The following RERE variants were observed in gnomAD, a reference collection of about 807,000 sequenced individuals.
The protein encoded by RERE is arginine-glutamic acid dipeptide repeats.
A neutral mutation model predicts 146.1 loss-of-function variants in RERE; 40 were observed. That is an observed-to-expected ratio of 0.27 (90% CI 0.21 to 0.36). RERE has a LOEUF of 0.36. Among genes scored for constraint, RERE ranks in the 10% least tolerant of loss-of-function variants. The pLI, the probability that RERE is intolerant of heterozygous loss-of-function variation, is 1.00. For synonymous variants in RERE, 1,003 were observed against 866.0 expected (o/e 1.16, Z -2.78); for missense variants, 1,933 against 2,138.7 (o/e 0.90, Z 1.90).
At chr1:8,397,973 CAGG>C (rs1451073116) in intron 12 of RERE, among the ~76,000 whole-genome samples, 1 of 152,216 alleles carries the variant, frequency 6.6e-6, no homozygotes, top group Non-Finnish European at 1.5e-5. Flanking sequence ...TCCTTGCCTT[CAGG>C]AGCTCAATCC....
chr1:8,604,966 G>C (rs562627555), intron 4 of RERE, among the ~76,000 whole-genome samples: 1 of 152,278 alleles, frequency 6.6e-6, no homozygotes, highest in South Asian at 2.1e-4. Flanking sequence ...CTGAAGAAAA[G>C]TGTTTGCCAC....
rs146743786 is a variant in RERE, at chr1:8,362,762, G to T, written c.1823C>A (p.Ser608Tyr). Residue 608 changes from serine to tyrosine, a missense_variant, in exon 16 of 23, where the codon TCC becomes TAC. By Grantham distance (144) the Ser-to-Tyr change is moderately radical (BLOSUM62 -2). Transcript: ENST00000400908. ...RTSPINEDIR[S>Y]SGRNSPSAAS... ...AGCGCTGGGGGAGTTCCGGCCGCTG[G>T]AGCGGATGTCTTCATTGATGGGTGA... The T allele has an allele frequency of 3.1e-6, 5 of 1,614,098 alleles. No homozygotes were observed. The African/African-American group carries it at 6.7e-5, about 22-fold the overall frequency.
At chr1:8,729,338 C>T (rs999823314) in intron 1 of RERE, among the ~76,000 whole-genome samples, 4 of 151,148 alleles carry the variant, frequency 2.6e-5, no homozygotes, top group East Asian at 2.0e-4. Context: ...GATTCTCCTG[C>T]CTCAGCCTCC....
chr1:8,629,795 CA>C (rs146459911), intron 2 of RERE, among the ~76,000 whole-genome samples: 2,310 of 152,326 alleles, frequency 0.015, 60 homozygotes, highest in African/African-American at 0.053. Flanking sequence ...TCCTTTCCAT[CA>C]ATGTGTCTCC....
In RERE at chr1:8,355,030, C is replaced by A; in HGVS notation, c.*57G>T. The A allele has an allele frequency of 6.9e-7, 1 of 1,445,684 alleles. No homozygotes were observed. 89.6% of individuals were successfully genotyped at this position (1,445,684 alleles called of 1,614,324 possible). ...GCAGCTCCTATTTTATGTAAAAAGT[C>A]CTGTTTCTCCCCCCAAGAACTGGGG... On this transcript the variant is annotated 3_prime_UTR_variant, in exon 23 of 23. Transcript: ENST00000400908.
In RERE at chr1:8,655,069, T is replaced by C. The variant is rs117649104; in HGVS notation, c.325+904A>G. Among the ~76,000 whole-genome samples the C allele has an allele frequency of 2.2e-3, 338 of 152,316 alleles. 6 individuals are homozygous for C. In the East Asian group the frequency reaches 0.045, roughly 20 times the overall value. On this transcript the variant is annotated intron_variant, in intron 2 of 22. Transcript: ENST00000400908. ...TTTTGAGCAATGCTATAAGCCACAA[T>C]ATACTGGTGTGACCATAATACATTT...
chr1:8,629,082 A>G (rs764972106), intron 2 of RERE, among the ~76,000 whole-genome samples: 2 of 152,232 alleles, frequency 1.3e-5, no homozygotes, highest in Non-Finnish European at 2.9e-5. Flanking sequence ...TGGCAGGGCA[A>G]GTATATATAT....
intron 4 of RERE, among the ~76,000 whole-genome samples, chr1:8,598,400 G>A (rs1352317867): frequency 6.6e-6 from 1 of 152,176 alleles, no homozygotes; most frequent in Non-Finnish European, 1.5e-5. Context: ...GGCATTCCCG[G>A]CCCTCCAGCA....
intron 10 of RERE, among the ~76,000 whole-genome samples, chr1:8,475,280 AG>A (rs1644740163): frequency 1.3e-5 from 2 of 151,828 alleles, no homozygotes; most frequent in Admixed American, 6.6e-5. Context: ...AGGCTGAGGC[AG>A]GAGAATCGCT....
chr1:8,386,246 A>G (rs986623693), intron 12 of RERE, among the ~76,000 whole-genome samples: 2 of 151,182 alleles, frequency 1.3e-5, no homozygotes, highest in Non-Finnish European at 2.9e-5. Context: ...AGAGAGACCA[A>G]AAATAAAAAA....
chr1:8,671,231 A>G (rs1638709986), intron 1 of RERE, among the ~76,000 whole-genome samples: 1 of 152,236 alleles, frequency 6.6e-6, no homozygotes, highest in Non-Finnish European at 1.5e-5. Flanking sequence ...AATGCTTTGC[A>G]ATGAATATTA....
Position 8,354,308 on chromosome 1 carries a change from A to G in RERE, c.*779T>C, listed in dbSNP as rs1641208708. 1 of 152,658 alleles carries G rather than the reference A, an allele frequency of 6.6e-6. No homozygotes were observed. The highest frequency in any genetic ancestry group is 2.4e-5 in the African/African-American group (1 of 41,456). 9.5% of individuals were successfully genotyped at this position (152,658 alleles called of 1,614,324 possible). ...CCAGGCAGAAAACAGAGTCTGTAAC[A>G]TCGTCCCTGCAAACCCTGGATGCTC... On this transcript the variant is annotated 3_prime_UTR_variant, in exon 23 of 23. Transcript: ENST00000400908.
chr1:8,658,214 A>C (rs1312464006), intron 1 of RERE, among the ~76,000 whole-genome samples: 2 of 152,184 alleles, frequency 1.3e-5, no homozygotes, highest in South Asian at 2.1e-4. Context: ...TTATTCAACA[A>C]ATCTTTACTA....
At chr1:8,567,206 AG>A (rs966574635) in intron 4 of RERE, among the ~76,000 whole-genome samples, 1 of 152,174 alleles carries the variant, frequency 6.6e-6, no homozygotes, top group Non-Finnish European at 1.5e-5. Context: ...TCAAGGTTAG[AG>A]GCTCATTTTC....
At chr1:8,441,332 C>T (rs578090815) in intron 11 of RERE, among the ~76,000 whole-genome samples, 7 of 152,356 alleles carry the variant, frequency 4.6e-5, no homozygotes, top group South Asian at 2.1e-4. Context: ...AGAAGGCACA[C>T]GCTCCTGTGA....
intron 7 of RERE, 66 bp downstream of exon 7, chr1:8,541,138 CACACACACAT>C: frequency 1.3e-6 from 1 of 782,732 alleles, no homozygotes; most frequent in Non-Finnish European, 2.1e-6. Context: ...AAACTACACA[CACACACACAT>C]ACACACACAC....
At chr1:8,615,471 A>C (rs937782889) in intron 3 of RERE, among the ~76,000 whole-genome samples, 3 of 152,262 alleles carry the variant, frequency 2.0e-5, no homozygotes, top group African/African-American at 7.2e-5. Context: ...CTAGCACAGT[A>C]TACCTCAGAT....
intron 6 of RERE, among the ~76,000 whole-genome samples, chr1:8,547,827 TA>T (rs1361395117): frequency 2.0e-5 from 3 of 152,198 alleles, no homozygotes; most frequent in Non-Finnish European, 4.4e-5. Context: ...CGCATAGGCA[TA>T]AACCTTTCAA....
intron 12 of RERE, among the ~76,000 whole-genome samples, chr1:8,397,812 GA>G (rs1643106714): frequency 6.6e-6 from 1 of 152,128 alleles, no homozygotes; most frequent in African/African-American, 2.4e-5. Context: ...TGTACTTTCT[GA>G]TTTCAGGCTC....
Sources: allele counts gnomAD v4.1 joint callset (sites outside exome capture counted in the v4.1 genomes callset), GRCh38; gene constraint gnomAD v4.1.1; transcripts MANE v1.5; gene names NCBI Gene and HGNC (gene_info 2026-07-23, HGNC 2026-07-21).